The following HEMK2 variants were observed in gnomAD, a reference collection of about 807,000 sequenced individuals.
The protein encoded by HEMK2 is methyltransferase HEMK2.
At chr21:28,834,807 C>T in the HEMK2 span, among the ~76,000 whole-genome samples, 3 of 152,052 alleles carry the variant, frequency 2.0e-5, no homozygotes, top group Non-Finnish European at 2.9e-5. Context: ...GTGGTGGGGG[C>T]ATGGTGGGAG....
the HEMK2 span, among the ~76,000 whole-genome samples, chr21:28,664,649 A>G: frequency 6.6e-6 from 1 of 152,140 alleles, no homozygotes; most frequent in Non-Finnish European, 1.5e-5. Flanking sequence ...TAATCACTCT[A>G]CTAGAATTCT....
chr21:28,885,204 C>G, the HEMK2 span: 2 of 1,565,886 alleles, frequency 1.3e-6, no homozygotes, highest in Non-Finnish European at 1.7e-6. Flanking sequence ...CCCCTCCCCT[C>G]CTCGCACCCT....
the HEMK2 span, among the ~76,000 whole-genome samples, chr21:28,834,062 T>C: frequency 0.039 from 6,010 of 152,306 alleles, 421 homozygotes; most frequent in African/African-American, 0.14. Flanking sequence ...TGGTTTATGC[T>C]TGCTTCTGGG....
At chr21:28,869,525 T>C in the HEMK2 span, among the ~76,000 whole-genome samples, 1 of 152,180 alleles carries the variant, frequency 6.6e-6, no homozygotes, top group East Asian at 1.9e-4. Flanking sequence ...GGGCATACAG[T>C]TCAACTATAT....
the HEMK2 span, among the ~76,000 whole-genome samples, chr21:28,788,325 T>C: frequency 6.6e-6 from 1 of 151,436 alleles, no homozygotes; most frequent in Non-Finnish European, 1.5e-5. Context: ...TATACATATA[T>C]GATGGAATAC....
At chr21:28,691,971 C>A in the HEMK2 span, among the ~76,000 whole-genome samples, 2 of 152,294 alleles carry the variant, frequency 1.3e-5, no homozygotes, top group East Asian at 1.9e-4. Flanking sequence ...TACAGAAATG[C>A]AGGAAGCTAC....
At chr21:28,724,684 A>G in the HEMK2 span, among the ~76,000 whole-genome samples, 3 of 151,010 alleles carry the variant, frequency 2.0e-5, no homozygotes, top group East Asian at 5.8e-4. Context: ...TTCCAAAAGA[A>G]TTCCCCTAAA....
chr21:28,839,937 G>T, the HEMK2 span, among the ~76,000 whole-genome samples: 1 of 152,088 alleles, frequency 6.6e-6, no homozygotes, highest in African/African-American at 2.4e-5. Context: ...GAACAAATCT[G>T]GAGGCATCAC....
At chr21:28,676,582 G>A in the HEMK2 span, among the ~76,000 whole-genome samples, 1 of 152,152 alleles carries the variant, frequency 6.6e-6, no homozygotes, top group Admixed American at 6.5e-5. Flanking sequence ...ACTCCAACTG[G>A]CCTGCACACT....
At chr21:28,743,484 T>C in the HEMK2 span, among the ~76,000 whole-genome samples, 8 of 152,146 alleles carry the variant, frequency 5.3e-5, no homozygotes, top group African/African-American at 1.9e-4. Flanking sequence ...AATAAAGCAC[T>C]TGCTTCTATT....
At chr21:28,624,350 T>C in the HEMK2 span, among the ~76,000 whole-genome samples, 1 of 152,200 alleles carries the variant, frequency 6.6e-6, no homozygotes, top group African/African-American at 2.4e-5. Context: ...ATCCATAAAA[T>C]TGGTAATTAG....
chr21:28,735,833 T>C, the HEMK2 span, among the ~76,000 whole-genome samples: 1 of 152,204 alleles, frequency 6.6e-6, no homozygotes, highest in South Asian at 2.1e-4. Context: ...CTATATAACA[T>C]AACATAATGA....
chr21:28,733,699 C>G, the HEMK2 span, among the ~76,000 whole-genome samples: 2 of 151,912 alleles, frequency 1.3e-5, no homozygotes, highest in East Asian at 3.9e-4. Context: ...CTTTTGGTAG[C>G]CTGATTGCCA....
At chr21:28,589,010 C>T in the HEMK2 span, among the ~76,000 whole-genome samples, 44 of 149,838 alleles carry the variant, frequency 2.9e-4, no homozygotes, top group Non-Finnish European at 4.9e-4. Flanking sequence ...AGTTATTGAG[C>T]CATACAAAAT....
At chr21:28,662,388 C>T in the HEMK2 span, among the ~76,000 whole-genome samples, 36 of 152,220 alleles carry the variant, frequency 2.4e-4, no homozygotes, top group South Asian at 4.6e-3. Flanking sequence ...TTTCCCCCTC[C>T]GCTGGCTGAG....
the HEMK2 span, among the ~76,000 whole-genome samples, chr21:28,647,358 A>C: frequency 7.4e-6 from 1 of 134,250 alleles, no homozygotes; most frequent in African/African-American, 3.0e-5. Context: ...ATACAAAAAA[A>C]TTAGCTGGGC....
the HEMK2 span, among the ~76,000 whole-genome samples, chr21:28,744,431 T>C: frequency 0.23 from 34,777 of 152,056 alleles, 4,610 homozygotes; most frequent in African/African-American, 0.35. Context: ...CATGGTTAAT[T>C]GCCGAACACT....
chr21:28,831,462 C>CGAAAGAAAGAGAGAAAGAAA, the HEMK2 span, among the ~76,000 whole-genome samples: 17 of 23,612 alleles, frequency 7.2e-4, no homozygotes, highest in Non-Finnish European at 1.4e-3. Flanking sequence ...AAGAAAAGAA[C>CGAAAGAAAGAGAGAAAGAAA]GAAAGAAAGA....
At chr21:28,811,268 AAGAG>A in the HEMK2 span, among the ~76,000 whole-genome samples, 6 of 146,362 alleles carry the variant, frequency 4.1e-5, no homozygotes, top group Non-Finnish European at 9.0e-5. Flanking sequence ...GAAAGAAAGA[AAGAG>A]AAAGAAAGAA....
Sources: gnomAD v4.1 joint callset for allele counts (sites outside exome capture counted in the v4.1 genomes callset) on GRCh38, gnomAD v4.1.1 for gene constraint, MANE v1.5 for transcripts, NCBI Gene and HGNC (gene_info 2026-07-23, HGNC 2026-07-21) for gene names.